The following COG5 variants were observed in gnomAD, a reference collection of about 807,000 sequenced individuals.
COG5 encodes the protein component of oligomeric golgi complex 5.
Under a neutral mutation model 110.4 loss-of-function variants are expected in COG5, and 86 were observed. The observed-to-expected ratio is 0.78, with a 90% CI of 0.65 to 0.93. The LOEUF is 0.93. Among genes scored for constraint, COG5 ranks in the 40% least tolerant of loss-of-function variants. The pLI, the probability that COG5 is intolerant of heterozygous loss-of-function variation, is 0.00. For missense variants in COG5, 1,077 were observed against 987.0 expected, an observed-to-expected ratio of 1.09 and a Z score of -1.22; for synonymous variants, 360 against 334.6, an observed-to-expected ratio of 1.08 and a Z score of -0.83.
chr7:107,505,845 G>C (rs1199605716), intron 6 of COG5, among the ~76,000 whole-genome samples: 1 of 152,156 alleles, frequency 6.6e-6, no homozygotes, highest in Non-Finnish European at 1.5e-5. Flanking sequence ...GAATGCTGTT[G>C]TTCCTCTGGG....
intron 7 of COG5, among the ~76,000 whole-genome samples, chr7:107,397,182 C>T (rs144561658): frequency 6.9e-4 from 105 of 152,298 alleles, no homozygotes; most frequent in African/African-American, 2.5e-3. Flanking sequence ...GACATAAGGA[C>T]ATGTTGGCTT....
chr7:107,242,074 G>A (rs115037732), intron 17 of COG5, among the ~76,000 whole-genome samples: 49 of 152,282 alleles, frequency 3.2e-4, no homozygotes, highest in African/African-American at 1.2e-3. Context: ...AAGCCACTGT[G>A]CCCAGCCTAG....
At chr7:107,364,527 T>A (rs79778437) in intron 8 of COG5, among the ~76,000 whole-genome samples, 30,243 of 152,098 alleles carry the variant, frequency 0.2, 3,213 homozygotes, top group Non-Finnish European at 0.22. Flanking sequence ...ACAGGAATCT[T>A]TATGTAAAGG....
intron 14 of COG5, among the ~76,000 whole-genome samples, chr7:107,275,831 T>C (rs914694496): frequency 6.6e-6 from 1 of 151,892 alleles, no homozygotes; most frequent in Non-Finnish European, 1.5e-5. Flanking sequence ...GCCAATACTT[T>C]TAGAACTTAA....
chr7:107,526,218 A>T (rs1800727020), intron 6 of COG5, among the ~76,000 whole-genome samples: 1 of 152,216 alleles, frequency 6.6e-6, no homozygotes, highest in Non-Finnish European at 1.5e-5. Flanking sequence ...ATAATTAAAG[A>T]CTTCTGAGCC....
chr7:107,312,583 G>C (rs1487826254), intron 11 of COG5, among the ~76,000 whole-genome samples: 1 of 152,168 alleles, frequency 6.6e-6, no homozygotes, highest in African/African-American at 2.4e-5. Context: ...GGAGGATATA[G>C]ACACGTGTTT....
At chr7:107,217,742 T>C (rs1211099260) in intron 19 of COG5, among the ~76,000 whole-genome samples, 5 of 152,078 alleles carry the variant, frequency 3.3e-5, no homozygotes, top group African/African-American at 9.7e-5. Context: ...ACGATAAGCC[T>C]ACAGCTAACA....
chr7:107,513,114 T>C (rs1383346399), intron 6 of COG5, among the ~76,000 whole-genome samples: 2 of 151,210 alleles, frequency 1.3e-5, no homozygotes, highest in South Asian at 2.1e-4. Context: ...ACAGGCAACC[T>C]ACAAAATGGG....
intron 8 of COG5, among the ~76,000 whole-genome samples, chr7:107,365,922 A>G (rs1813572464): frequency 6.6e-6 from 1 of 152,144 alleles, no homozygotes. Context: ...ATCTCCCTTC[A>G]GCCATGCCTA....
intron 6 of COG5, among the ~76,000 whole-genome samples, chr7:107,463,458 A>T (rs1354839873): frequency 3.9e-5 from 6 of 152,176 alleles, no homozygotes; most frequent in African/African-American, 1.4e-4. Context: ...GGGACAGGGG[A>T]ACACCTCTTT....
At chr7:107,311,569 AT>A in intron 11 of COG5, among the ~76,000 whole-genome samples, 1 of 145,738 alleles carries the variant, frequency 6.9e-6, no homozygotes, top group Non-Finnish European at 1.5e-5. Flanking sequence ...AATTTTTTGT[AT>A]TTTTAGTAGA....
intron 6 of COG5, among the ~76,000 whole-genome samples, chr7:107,491,696 T>C (rs1584890428): frequency 6.6e-6 from 1 of 152,168 alleles, no homozygotes; most frequent in Non-Finnish European, 1.5e-5. Context: ...CAGCTCAACA[T>C]TCCTTTCATC....
intron 6 of COG5, among the ~76,000 whole-genome samples, chr7:107,515,399 C>G (rs185841699): frequency 1.4e-3 from 212 of 152,094 alleles, no homozygotes; most frequent in Non-Finnish European, 2.5e-3. Flanking sequence ...ATCACGGTAA[C>G]CTATACATTT....
chr7:107,548,136 C>T lies in COG5; in HGVS notation c.392G>A (p.Arg131Gln), dbSNP rs1414916292. 1.9e-6 allele frequency: 3 copies of T among 1,613,508 alleles called. No individual in the cohort carries two copies. The highest frequency in any genetic ancestry group is 1.3e-5 in the African/African-American group (1 of 74,870). Residue 131 changes from arginine (R) to glutamine (Q), a missense_variant, in exon 5 of 22, where the codon CGG becomes CAG. Transcript: ENST00000297135. ...CTGAAGTCTTGCTAGTTGTGCAGTC[C>T]GGGCAACTATCTTATTGTATGGTTC... The part of the protein sequence containing the change: ...IVEPYNKIVA[R>Q]TAQLARLQVA...
In COG5 at chr7:107,446,439, T is replaced by A. The variant is rs143528570; in HGVS notation, c.539-33807A>T. ...GCACACATACTTACGGTAACCAGCC[T>A]TCAACATGATCCCCCAATGATCCCT... On this transcript the variant is annotated intron_variant, in intron 6 of 21. Transcript: ENST00000297135. Among the ~76,000 whole-genome samples, 93 of 152,268 alleles carry A rather than the reference T, an allele frequency of 6.1e-4. No homozygotes were observed. In the East Asian group the frequency reaches 0.017, roughly 28 times the overall value.
chr7:107,227,410 A>T (rs895455131), intron 19 of COG5, among the ~76,000 whole-genome samples: 7 of 149,808 alleles, frequency 4.7e-5, no homozygotes, highest in Non-Finnish European at 8.9e-5. Context: ...GCTAGATATA[A>T]AAAAAAAAGT....
intron 9 of COG5, 52 bp downstream of exon 9, chr7:107,362,256 T>A: frequency 6.8e-7 from 1 of 1,475,586 alleles, no homozygotes; most frequent in Non-Finnish European, 9.5e-7. Flanking sequence ...CAATTTGGAA[T>A]AACCAGGAGT....
chr7:107,527,959 C>A (rs1477782421), intron 5 of COG5, among the ~76,000 whole-genome samples: 3 of 152,102 alleles, frequency 2.0e-5, no homozygotes, highest in Non-Finnish European at 4.4e-5. Context: ...CAATGTGCAG[C>A]CAAAATTGAC....
At chr7:107,316,211 G>C (rs2117022938) in intron 11 of COG5, among the ~76,000 whole-genome samples, 1 of 152,122 alleles carries the variant, frequency 6.6e-6, no homozygotes, top group African/African-American at 2.4e-5. Flanking sequence ...TTATTACATG[G>C]GAGCAACATG....
Sources: gnomAD v4.1 joint callset for allele counts (sites outside exome capture counted in the v4.1 genomes callset) on GRCh38, gnomAD v4.1.1 for gene constraint, MANE v1.5 for transcripts, NCBI Gene and HGNC (gene_info 2026-07-23, HGNC 2026-07-21) for gene names.